Variants in C11orf97 observed in about 807,000 individuals in gnomAD.
The protein encoded by C11orf97 is chromosome 11 open reading frame 97, also known as uncharacterized protein C11orf97.
Under a neutral mutation model 16.2 loss-of-function variants are expected in C11orf97, and 15 were observed. That is an observed-to-expected ratio of 0.93 (90% CI 0.62 to 1.43). The LOEUF (loss-of-function observed/expected upper bound fraction) is 1.43, where lower values mean the gene tolerates loss of function less well. C11orf97 is among the 40% of genes most tolerant of loss of function. The pLI is 0.00. For synonymous variants in C11orf97, 61 were observed against 65.7 expected (o/e 0.93, Z 0.34); for missense variants, 171 against 161.2 (o/e 1.06, Z -0.33).
At chr11:94,524,712 A>G (rs1947686302) in intron 2 of C11orf97, among the ~76,000 whole-genome samples, 1 of 152,154 alleles carries the variant, frequency 6.6e-6, no homozygotes, top group Middle Eastern at 3.4e-3. Flanking sequence ...TCATTCATGT[A>G]TTCTCAGTGA....
At chr11:94,521,003 G>A (rs1947653458) in intron 2 of C11orf97, among the ~76,000 whole-genome samples, 1 of 152,062 alleles carries the variant, frequency 6.6e-6, no homozygotes, top group African/African-American at 2.4e-5. Context: ...TAACCACACA[G>A]GCTTTCTTGA....
At chr11:94,518,734 TG>T (rs528098084) in intron 2 of C11orf97, among the ~76,000 whole-genome samples, 55 of 152,274 alleles carry the variant, frequency 3.6e-4, no homozygotes, top group Non-Finnish European at 5.7e-4. Context: ...GTGACACTCT[TG>T]GGTATCAGCA....
intron 2 of C11orf97, among the ~76,000 whole-genome samples, chr11:94,519,163 C>T (rs1947637596): frequency 6.6e-6 from 1 of 152,170 alleles, no homozygotes; most frequent in African/African-American, 2.4e-5. Context: ...CCACCTCGGC[C>T]TCCCAATGTG....
At chr11:94,528,708 GAACA>G (rs1298425145) in intron 3 of C11orf97, among the ~76,000 whole-genome samples, 1 of 152,118 alleles carries the variant, frequency 6.6e-6, no homozygotes, top group Non-Finnish European at 1.5e-5. Flanking sequence ...ATAAACTTTG[GAACA>G]AAATATTACT....
chr11:94,525,460 C>A (rs1015570361), intron 2 of C11orf97, among the ~76,000 whole-genome samples: 5 of 152,148 alleles, frequency 3.3e-5, no homozygotes, highest in African/African-American at 9.7e-5. Context: ...TTAGAAAGTG[C>A]AAAATGTTGC....
At chr11:94,517,496 TA>T in intron 1 of C11orf97, 86 bp from the exon 2 acceptor site, 2 of 685,380 alleles carry the variant, frequency 2.9e-6, no homozygotes, top group Non-Finnish European at 4.4e-6. Flanking sequence ...TGTCTTCTTT[TA>T]AAAAAATTGT....
chr11:94,517,631 T>G lies in C11orf97; in HGVS notation c.194T>G (p.Leu65Arg), dbSNP rs1377820226. 2.0e-6 allele frequency: 3 copies of G among 1,533,052 alleles called. No homozygotes were observed. The African/African-American group carries it at 4.1e-5, about 21-fold the overall frequency. The allele number at this position is 1,533,052 out of a possible 1,614,324, so 95.0% of individuals were successfully genotyped here. Residue 65 changes from leucine (L) to arginine (R), a missense_variant, in exon 2 of 4, where the codon CTG becomes CGG. Transcript: ENST00000542198. ...CEPHKRIKEV[L>R]EEERHIKRDE... ...CCACATAAGAGAATTAAGGAAGTAC[T>G]GGAAGAAGAACGTCATATTAAGAGA... is the stretch of plus-strand genomic sequence containing the variant.
At chr11:94,524,390 G>A (rs1947682854) in intron 2 of C11orf97, among the ~76,000 whole-genome samples, 1 of 151,994 alleles carries the variant, frequency 6.6e-6, no homozygotes, top group African/African-American at 2.4e-5. Context: ...GAGGAACAGA[G>A]ATTTGAAATT....
At chr11:94,513,520 T>C (rs2135175833) in intron 1 of C11orf97, among the ~76,000 whole-genome samples, 1 of 152,296 alleles carries the variant, frequency 6.6e-6, no homozygotes, top group South Asian at 2.1e-4. Context: ...GAGAGCAGAC[T>C]GGGTTTCTCC....
At chr11:94,526,700 C>T (rs181545945) in intron 2 of C11orf97, among the ~76,000 whole-genome samples, 14 of 152,274 alleles carry the variant, frequency 9.2e-5, no homozygotes, top group Non-Finnish European at 1.8e-4. Context: ...TATCTCTGAA[C>T]AGGATAGAAG....
intron 2 of C11orf97, among the ~76,000 whole-genome samples, chr11:94,520,220 C>CAT (rs1947647056): frequency 6.6e-6 from 1 of 152,216 alleles, no homozygotes; most frequent in Admixed American, 6.5e-5. Flanking sequence ...ATCCCTCCAA[C>CAT]ATACTCAACC....
intron 1 of C11orf97, among the ~76,000 whole-genome samples, chr11:94,516,048 T>C (rs1947609508): frequency 6.6e-6 from 1 of 152,220 alleles, no homozygotes; most frequent in African/African-American, 2.4e-5. Flanking sequence ...CCATATTTTA[T>C]TCATATGACT....
chr11:94,521,852 G>A (rs1947659927), intron 2 of C11orf97, among the ~76,000 whole-genome samples: 1 of 152,178 alleles, frequency 6.6e-6, no homozygotes, highest in Non-Finnish European at 1.5e-5. Context: ...TGTCTCTGGT[G>A]ACACGTTATG....
chr11:94,517,543 T>A (rs582077), intron 1 of C11orf97, 40 bp from the exon 2 acceptor site: 717,928 of 1,255,412 alleles, frequency 0.57, 207,702 homozygotes, highest in African/African-American at 0.64. Context: ...GATTGGGCAG[T>A]ATTTATACTA....
intron 2 of C11orf97, among the ~76,000 whole-genome samples, chr11:94,520,149 C>T (rs1166841601): frequency 6.6e-6 from 1 of 152,214 alleles, no homozygotes; most frequent in African/African-American, 2.4e-5. Flanking sequence ...TCCCATGAGT[C>T]CAGGGAAACT....
intron 1 of C11orf97, among the ~76,000 whole-genome samples, chr11:94,515,317 A>C (rs186469668): frequency 1.5e-4 from 23 of 152,270 alleles, no homozygotes; most frequent in Admixed American, 1.4e-3. Flanking sequence ...AAAACAACAA[A>C]AAAAAATCCA....
intron 3 of C11orf97, among the ~76,000 whole-genome samples, chr11:94,531,084 A>G (rs974950786): frequency 6.6e-6 from 1 of 152,216 alleles, no homozygotes; most frequent in Non-Finnish European, 1.5e-5. Flanking sequence ...ATTTAGAATT[A>G]TGATCATCCA....
chr11:94,523,385 A>G (rs753351615), intron 2 of C11orf97, among the ~76,000 whole-genome samples: 1 of 152,196 alleles, frequency 6.6e-6, no homozygotes, highest in Non-Finnish European at 1.5e-5. Flanking sequence ...AACTCCACAT[A>G]CTCTGACAAC....
chr11:94,522,363 G>A (rs1245507374), intron 2 of C11orf97, among the ~76,000 whole-genome samples: 6 of 152,052 alleles, frequency 3.9e-5, no homozygotes, highest in South Asian at 2.1e-4. Flanking sequence ...GTGAAACCTC[G>A]TCTCTACTAA....
Sources: allele counts gnomAD v4.1 joint callset (sites outside exome capture counted in the v4.1 genomes callset), GRCh38; gene constraint gnomAD v4.1.1; transcripts MANE v1.5; gene names NCBI Gene and HGNC (gene_info 2026-07-23, HGNC 2026-07-21).